ZFHX3: variants seen among roughly 807,000 people sequenced by gnomAD.
The protein encoded by ZFHX3 is zinc finger homeobox 3.
Under a neutral mutation model 279.1 loss-of-function variants are expected in ZFHX3, and 42 were observed. The ratio of observed to expected loss-of-function variants is 0.15; its 90% CI spans 0.12 to 0.19. The LOEUF is 0.19. Ranked by LOEUF, ZFHX3 falls within the 10% of genes least tolerant of loss-of-function variation. ZFHX3 has a pLI of 1.00. For synonymous variants in ZFHX3, 2,293 were observed against 1,957.8 expected (o/e 1.17, Z -4.52); for missense variants, 4,981 against 4,754.0 (o/e 1.05, Z -1.40).
intron 2 of ZFHX3, among the ~76,000 whole-genome samples, chr16:73,570,978 T>A (rs1006433089): frequency 4.0e-5 from 6 of 150,842 alleles, no homozygotes; most frequent in Non-Finnish European, 8.9e-5. Context: ...GCAAACACTG[T>A]GTTAAGACAT....
intron 5 of ZFHX3, among the ~76,000 whole-genome samples, chr16:73,217,119 T>C (rs1383479606): frequency 6.6e-6 from 1 of 152,206 alleles, no homozygotes; most frequent in Non-Finnish European, 1.5e-5. Context: ...GTTGCTGTTT[T>C]CCCTGGGCTG....
At chr16:73,007,741 G>A (rs866754876) in intron 1 of ZFHX3, among the ~76,000 whole-genome samples, 4 of 152,170 alleles carry the variant, frequency 2.6e-5, no homozygotes, top group East Asian at 3.9e-4. Context: ...GAGCCACCGC[G>A]CAAGGCCAGA....
chr16:73,701,939 AAGG>A lies in ZFHX3; in HGVS notation c.-1607-21702_-1607-21700del, dbSNP rs541060039. Among the ~76,000 whole-genome samples, 83 of 152,288 alleles carry A rather than the reference AAGG, an allele frequency of 5.5e-4. 1 individual carries two copies. The highest frequency in any genetic ancestry group is 5.4e-3 in the South Asian group (26 of 4,828). ...CTATCACTGCACCCGTAAAAAAAGCAAGGAGAAGAGAAGCAAAAGGGTTTTTAA... is the reference window on the plus strand; with the variant it reads ...CTATCACTGCACCCGTAAAAAAAGCAAGAAGAGAAGCAAAAGGGTTTTTAA... On this transcript the variant is annotated intron_variant, in intron 1 of 17. Transcript: ENST00000641206.
chr16:72,979,850 C>T (rs1962508385), intron 1 of ZFHX3, among the ~76,000 whole-genome samples: 1 of 152,110 alleles, frequency 6.6e-6, no homozygotes, highest in African/African-American at 2.4e-5. Context: ...TCAAATTTGG[C>T]TCTAAGCTTT....
chr16:73,454,481 A>AAGCT (rs1358010059), intron 3 of ZFHX3, among the ~76,000 whole-genome samples: 1 of 152,070 alleles, frequency 6.6e-6, no homozygotes. Flanking sequence ...GGGACCATTC[A>AAGCT]AGCTACCAAA....
At chr16:73,034,912 G>C (rs1964844509) in intron 1 of ZFHX3, among the ~76,000 whole-genome samples, 1 of 152,204 alleles carries the variant, frequency 6.6e-6, no homozygotes, top group South Asian at 2.1e-4. Context: ...AACCCGCTGT[G>C]TGCAGACTGA....
At chr16:73,373,335 A>T (rs570700188) in intron 3 of ZFHX3, among the ~76,000 whole-genome samples, 6 of 152,324 alleles carry the variant, frequency 3.9e-5, no homozygotes, top group African/African-American at 1.4e-4. Flanking sequence ...AAATAGGAAG[A>T]GACCAAATGC....
chr16:73,794,062 AT>A (rs1959913881), intron 1 of ZFHX3: 2 of 152,234 alleles, frequency 1.3e-5, no homozygotes, highest in African/African-American at 4.8e-5. Context: ...TAAAAATTTG[AT>A]TTTGTCCTCT....
Position 73,820,573 on chromosome 16 carries a change from G to A in ZFHX3, c.-1608+71078C>T, listed in dbSNP as rs538408233. Among the ~76,000 whole-genome samples, 6 of 152,074 alleles carry A rather than the reference G, an allele frequency of 3.9e-5. 1 individual carries two copies. The South Asian group carries it at 1.2e-3, about 32-fold the overall frequency. ...ATGAGTGAGTTATCCCTGTTACCCAGTCCAATCAAACCCACACATGAGTCC... is the reference window on the plus strand; with the variant it reads ...ATGAGTGAGTTATCCCTGTTACCCAATCCAATCAAACCCACACATGAGTCC... On this transcript the variant is annotated intron_variant, in intron 1 of 17. Transcript: ENST00000641206.
intron 4 of ZFHX3, among the ~76,000 whole-genome samples, chr16:73,301,851 A>G (rs1173485542): frequency 1.3e-5 from 2 of 151,534 alleles, no homozygotes; most frequent in African/African-American, 2.4e-5. Context: ...TACGGCTTCA[A>G]TCTGATCCGG....
In ZFHX3 at chr16:73,835,137, C is replaced by A. The variant is rs374582384; in HGVS notation, c.-1608+56514G>T. Among the ~76,000 whole-genome samples the A allele has an allele frequency of 1.2e-4, 18 of 152,276 alleles. 1 individual carries two copies. The highest frequency in any genetic ancestry group is 6.5e-4 in the Admixed American group (10 of 15,296). On this transcript the variant is annotated intron_variant, in intron 1 of 17. Transcript: ENST00000641206. ...CAAACAAAAACAACATCTGAAGCAG[C>A]TTCTGCAGGGTTGGCGAGGCTATAA... is the stretch of plus-strand genomic sequence containing the variant.
chr16:73,721,997 A>T (rs919794723), intron 1 of ZFHX3, among the ~76,000 whole-genome samples: 4 of 152,218 alleles, frequency 2.6e-5, no homozygotes, highest in African/African-American at 4.8e-5. Context: ...GTGAGCTGTG[A>T]CTGTGTCTCT....
chr16:73,420,973 T>A (rs1055164), intron 3 of ZFHX3: 3 of 152,036 alleles, frequency 2.0e-5, no homozygotes, highest in Non-Finnish European at 4.4e-5. Context: ...ATTCTCCTTC[T>A]GCACTAAATT....
intron 6 of ZFHX3, among the ~76,000 whole-genome samples, chr16:73,140,285 A>G (rs1359638558): frequency 6.6e-6 from 1 of 152,038 alleles, no homozygotes; most frequent in Non-Finnish European, 1.5e-5. Flanking sequence ...AAATAAAATG[A>G]CCTTTTTAAT....
intron 7 of ZFHX3, among the ~76,000 whole-genome samples, chr16:73,106,485 C>T (rs758244067): frequency 4.6e-5 from 7 of 152,000 alleles, no homozygotes; most frequent in Non-Finnish European, 1.0e-4. Flanking sequence ...TACAAAGGGC[C>T]AAGCAGTCAG....
At chr16:73,046,175 G>A (rs932666701) in intron 1 of ZFHX3, among the ~76,000 whole-genome samples, 3 of 152,176 alleles carry the variant, frequency 2.0e-5, no homozygotes, top group African/African-American at 2.4e-5. Flanking sequence ...AAATACAGGC[G>A]TGCAAACATC....
intron 1 of ZFHX3, among the ~76,000 whole-genome samples, chr16:72,991,283 G>C (rs1255674325): frequency 6.6e-6 from 1 of 152,078 alleles, no homozygotes; most frequent in African/African-American, 2.4e-5. Flanking sequence ...TTTTATCATA[G>C]GCATGTAGGT....
At chr16:72,956,916 G>A (rs1000406213) in intron 2 of ZFHX3, among the ~76,000 whole-genome samples, 17 of 151,720 alleles carry the variant, frequency 1.1e-4, no homozygotes, top group African/African-American at 3.9e-4. Flanking sequence ...CCCTAGCTCG[G>A]CACAGAATCA....
At chr16:73,655,379 T>C (rs1231964236) in intron 2 of ZFHX3, among the ~76,000 whole-genome samples, 1 of 152,208 alleles carries the variant, frequency 6.6e-6, no homozygotes, top group East Asian at 1.9e-4. Context: ...ATTGTACATG[T>C]AGAAAATCCA....
Sources: allele counts gnomAD v4.1 joint callset (sites outside exome capture counted in the v4.1 genomes callset), GRCh38; gene constraint gnomAD v4.1.1; transcripts MANE v1.5; gene names NCBI Gene and HGNC (gene_info 2026-07-23, HGNC 2026-07-21).